The following NECTIN1 variants were observed in gnomAD, a reference collection of about 807,000 sequenced individuals.
NECTIN1 encodes the protein nectin cell adhesion molecule 1, also known as nectin-1.
A neutral mutation model predicts 48.0 loss-of-function variants in NECTIN1; 23 were observed. The ratio of observed to expected loss-of-function variants is 0.48; its 90% confidence interval spans 0.34 to 0.68. The LOEUF is 0.68. Among genes scored for constraint, NECTIN1 ranks in the 30% least tolerant of loss-of-function variants. The pLI is 0.01. For synonymous variants in NECTIN1, 270 were observed against 288.9 expected (o/e 0.93, Z 0.66); for missense variants, 591 against 709.9 (o/e 0.83, Z 1.90).
intron 5 of NECTIN1, among the ~76,000 whole-genome samples, chr11:119,671,045 G>C (rs537528130): frequency 9.2e-5 from 14 of 152,118 alleles, no homozygotes; most frequent in Non-Finnish European, 8.8e-5. Context: ...AGCAGCAGCA[G>C]AATGGCTGGG....
At position 119,727,056 on chromosome 11, in the gene NECTIN1, G is replaced by A. The variant is rs1030442420; in HGVS notation, c.79+1419C>T. ...CAGGGCAGCACCCCAGGCTTCACGG[G>A]TGGAGGCACCCCAGTACTGGCTTTC... On this transcript the variant is annotated intron_variant, in intron 1 of 5. Transcript: ENST00000264025. This position sits in a 1 kb window ranked among gnomAD's most constrained non-coding sequence, Gnocchi z 4.1. Among the ~76,000 whole-genome samples the A allele has an allele frequency of 2.0e-5, 3 of 152,124 alleles. No homozygotes were observed. The highest frequency in any genetic ancestry group is 4.4e-5 in the Non-Finnish European group (3 of 68,020).
intron 1 of NECTIN1, among the ~76,000 whole-genome samples, chr11:119,708,748 C>A (rs941133263): frequency 1.3e-5 from 2 of 151,824 alleles, no homozygotes; most frequent in East Asian, 3.9e-4. Flanking sequence ...TTCAGGAGGG[C>A]GAATTTTGTG....
chr11:119,693,020 T>A (rs1865286644), intron 1 of NECTIN1, among the ~76,000 whole-genome samples: 1 of 152,156 alleles, frequency 6.6e-6, no homozygotes, highest in Non-Finnish European at 1.5e-5. Flanking sequence ...CCACTCCTCC[T>A]TCGTTCTGCG....
intron 5 of NECTIN1, among the ~76,000 whole-genome samples, chr11:119,655,697 G>T (rs746427018): frequency 1.3e-5 from 2 of 152,194 alleles, no homozygotes; most frequent in Admixed American, 6.5e-5. Context: ...GTTATTCTGT[G>T]TAGCTTCCCA....
intron 1 of NECTIN1, among the ~76,000 whole-genome samples, chr11:119,711,617 G>A (rs1254157317): frequency 6.6e-6 from 1 of 152,110 alleles, no homozygotes; most frequent in Non-Finnish European, 1.5e-5. Flanking sequence ...GGGGAAGGGG[G>A]GCTGGTGTCT....
At chr11:119,657,722 A>T (rs1257736270), downstream of NECTIN1, among the ~76,000 whole-genome samples, 1 of 142,306 alleles carries the variant, frequency 7.0e-6, no homozygotes, top group Non-Finnish European at 1.5e-5. Flanking sequence ...TAACATAGGG[A>T]GACCCCTGTC....
chr11:119,713,677 T>A, intron 1 of NECTIN1: 1 of 360,514 alleles, frequency 2.8e-6, no homozygotes, highest in South Asian at 2.0e-5. Flanking sequence ...ACCGCAGTGA[T>A]TGAAACTTAT....
At chr11:119,644,442 C>G (rs1864368093) in intron 5 of NECTIN1, among the ~76,000 whole-genome samples, 2 of 152,328 alleles carry the variant, frequency 1.3e-5, no homozygotes, top group South Asian at 4.1e-4. Context: ...GCACCCCAGG[C>G]TTCCCTCAGG....
At position 119,678,388 on chromosome 11, in the gene NECTIN1, A is replaced by G. The variant is rs766870821; in HGVS notation, c.430+27T>C. The G allele has an allele frequency of 6.2e-7, 1 of 1,602,206 alleles. No individual in the cohort carries two copies. Among genetic ancestry groups the G allele is most frequent in the East Asian group, 2.2e-5 (1 of 44,818 alleles). On this transcript the variant is annotated intron_variant, in intron 2 of 5. Transcript: ENST00000264025. The surrounding 1 kb of genome is among the most constrained non-coding windows in gnomAD (Gnocchi z 4.4). ...CCCGAGGTCACAGGCCTCTGGATGA[A>G]CAGGGAGGGGGCCCAGGGCAGCTTA...
chr11:119,678,478 T>G lies in NECTIN1; in HGVS notation c.367A>C (p.Ile123Leu), dbSNP rs1286852226. ...GTAGGGAAGGTAGCAAACTCGCAGA[T>G]GTAGACACCCTCATCCTCCAGCTCC... ...RLELEDEGVY[I>L]CEFATFPTGN... Residue 123 changes from isoleucine to leucine, a missense_variant, in exon 2 of 6, where the codon ATC becomes CTC. Coordinates refer to ENST00000264025, the MANE Select transcript of NECTIN1 (RefSeq NM_002855.5). The surrounding 1 kb of genome is among the most constrained non-coding windows in gnomAD (Gnocchi z 4.4). 6 of 1,614,070 alleles carry G rather than the reference T, an allele frequency of 3.7e-6. No individual in the cohort carries two copies. Among genetic ancestry groups the G allele is most frequent in the Admixed American group, 1.7e-5 (1 of 60,002 alleles).
Position 119,709,586 on chromosome 11 carries a change from C to T in NECTIN1, c.79+18889G>A, listed in dbSNP as rs559143047. On this transcript the variant is annotated intron_variant, in intron 1 of 5. Coordinates refer to ENST00000264025, the MANE Select transcript of NECTIN1 (RefSeq NM_002855.5). The surrounding 1 kb of genome is among the most constrained non-coding windows in gnomAD (Gnocchi z 4.1). The stretch of plus-strand genomic sequence containing the variant: ...CCCTAGTCTGTAAGGGCAGAAGGTG[C>T]TCTTGAATGGAAGCAGGGAGGGAGG... 6.6e-6 allele frequency among the ~76,000 whole-genome samples: 1 copy of T among 152,042 alleles called. No homozygotes were observed. The highest frequency in any genetic ancestry group is 1.9e-4 in the East Asian group (1 of 5,156).
intron 5 of NECTIN1, among the ~76,000 whole-genome samples, chr11:119,670,313 C>T (rs1412576287): frequency 2.6e-5 from 4 of 152,130 alleles, no homozygotes; most frequent in East Asian, 1.9e-4. Context: ...TATGCGAAAA[C>T]GTAAGCTCCA....
At chr11:119,642,327 G>C (rs1864338616) in intron 5 of NECTIN1, 2 of 152,212 alleles carry the variant, frequency 1.3e-5, no homozygotes, top group Non-Finnish European at 2.9e-5. Flanking sequence ...GCTGAGGCAG[G>C]CTGGCATTTC....
At chr11:119,701,884 C>T in intron 1 of NECTIN1, among the ~76,000 whole-genome samples, 1 of 152,174 alleles carries the variant, frequency 6.6e-6, no homozygotes, top group East Asian at 1.9e-4. Flanking sequence ...GTCCCTGTCC[C>T]TCCACTGCTC....
At chr11:119,674,625 C>G (rs58471168) in intron 5 of NECTIN1, 3 of 1,614,156 alleles carry the variant, frequency 1.9e-6, no homozygotes, top group East Asian at 2.2e-5. Flanking sequence ...TCCCTTTGCC[C>G]GGATAGATAA....
intron 1 of NECTIN1, among the ~76,000 whole-genome samples, chr11:119,711,781 G>A (rs1302539339): frequency 6.6e-6 from 1 of 152,130 alleles, no homozygotes; most frequent in African/African-American, 2.4e-5. Context: ...GCAGTCAGTG[G>A]AAAAGCAGTT....
intron 1 of NECTIN1, among the ~76,000 whole-genome samples, chr11:119,696,692 C>A (rs1865346041): frequency 6.6e-6 from 1 of 152,092 alleles, no homozygotes; most frequent in Non-Finnish European, 1.5e-5. Context: ...TGGCAGGAAC[C>A]AGGAAAGGGT....
chr11:119,645,468 C>A (rs553863468), intron 5 of NECTIN1, among the ~76,000 whole-genome samples: 1 of 152,290 alleles, frequency 6.6e-6, no homozygotes, highest in African/African-American at 2.4e-5. Flanking sequence ...CTTCTGACTT[C>A]ATAGGCTGGA....
intron 5 of NECTIN1, among the ~76,000 whole-genome samples, chr11:119,655,203 G>C (rs181467433): frequency 1.2e-4 from 19 of 152,074 alleles, no homozygotes; most frequent in African/African-American, 2.9e-4. Context: ...GAGCCACCCT[G>C]ACTGGGTAAC....
Sources: allele counts gnomAD v4.1 joint callset (sites outside exome capture counted in the v4.1 genomes callset), GRCh38; gene constraint gnomAD v4.1.1; non-coding constraint Gnocchi (gnomAD v3.1); transcripts MANE v1.5; gene names NCBI Gene and HGNC (gene_info 2026-07-23, HGNC 2026-07-21).